ST3GAL4: variants seen among roughly 807,000 people sequenced by gnomAD.
The protein encoded by ST3GAL4 is ST3 beta-galactoside alpha-2,3-sialyltransferase 4.
Under a neutral mutation model 42.6 loss-of-function variants are expected in ST3GAL4, and 24 were observed. That is an observed-to-expected ratio of 0.56 (90% CI 0.41 to 0.79). The LOEUF (loss-of-function observed/expected upper bound fraction) is 0.79. Among genes scored for constraint, ST3GAL4 ranks in the 30% least tolerant of loss-of-function variants. The pLI, the probability that ST3GAL4 is intolerant of heterozygous loss-of-function variation, is 0.00. For synonymous variants in ST3GAL4, 135 were observed against 163.2 expected, an observed-to-expected ratio of 0.83 and a Z score of 1.32; for missense variants, 311 against 430.8, an observed-to-expected ratio of 0.72 and a Z score of 2.46.
chr11:126,358,776 CA>C (rs1382840837), intron 1 of ST3GAL4, among the ~76,000 whole-genome samples: 2 of 152,312 alleles, frequency 1.3e-5, no homozygotes, highest in African/African-American at 4.8e-5. Flanking sequence ...GCCACAACCC[CA>C]TCTCTGTTCC....
chr11:126,358,092 G>C (rs561938281), intron 1 of ST3GAL4, among the ~76,000 whole-genome samples: 41 of 152,374 alleles, frequency 2.7e-4, no homozygotes, highest in African/African-American at 7.2e-4. Flanking sequence ...GCCTAGCCCA[G>C]CTCCTGGCCC....
chr11:126,374,843 C>T (rs1482010110), intron 1 of ST3GAL4, among the ~76,000 whole-genome samples: 1 of 151,854 alleles, frequency 6.6e-6, no homozygotes, highest in African/African-American at 2.4e-5. Flanking sequence ...CGGGTGGATT[C>T]TAACCCTGTG....
rs927988529 is a variant in ST3GAL4 at position 126,379,092 on chromosome 11, C to T, written c.-61+23250C>T. Among the ~76,000 whole-genome samples, 3 of 152,222 alleles carry T rather than the reference C, an allele frequency of 2.0e-5. No homozygotes were observed. The highest frequency in any genetic ancestry group is 6.5e-5 in the Admixed American group (1 of 15,288). On this transcript the variant is annotated intron_variant, in intron 1 of 10. Coordinates refer to ENST00000444328, the MANE Select transcript of ST3GAL4 (RefSeq NM_001254757.2). This position sits in a 1 kb window ranked among gnomAD's most constrained non-coding sequence, Gnocchi z 4.2. ...TTGATCATAAATATCAGCCAACTGC[C>T]AAGGGAAGGATACCAACCCTTTTCA...
At chr11:126,374,726 A>G (rs139352666) in intron 1 of ST3GAL4, among the ~76,000 whole-genome samples, 53 of 151,994 alleles carry the variant, frequency 3.5e-4, no homozygotes, top group African/African-American at 7.9e-4. Flanking sequence ...CTCTCCCCGT[A>G]AGTGAGAAGA....
rs372591176 is a variant in ST3GAL4 at position 126,407,555 on chromosome 11, C to T, written c.281-19C>T. 6.1e-5 allele frequency: 98 copies of T among 1,613,970 alleles called. No homozygotes were observed. Among genetic ancestry groups the T allele is most frequent in the Admixed American group, 1.2e-4 (7 of 60,000 alleles). ...ATGCTATCTGTCACATCAGTCCCTC[C>T]GCCTGGTACTTTTTGTAGAGGATCT... is the stretch of plus-strand genomic sequence containing the variant. On this transcript the variant is annotated intron_variant, in intron 5 of 10. Transcript: ENST00000444328.
rs533885549 is a variant in ST3GAL4 at position 126,363,765 on chromosome 11, A to C, written c.-61+7923A>C. ...TCTCTTGAGCTCTTTCTCCCAGGGG[A>C]AGCTGCTCGAATGAGGGGAGTTGGC... On this transcript the variant is annotated intron_variant, in intron 1 of 10. Transcript: ENST00000444328. The surrounding 1 kb of genome is among the most constrained non-coding windows in gnomAD (Gnocchi z 4.6). 6.6e-6 allele frequency among the ~76,000 whole-genome samples: 1 copy of C among 152,236 alleles called. No individual in the cohort carries two copies. The highest frequency in any genetic ancestry group is 1.9e-4 in the East Asian group (1 of 5,162).
intron 1 of ST3GAL4, among the ~76,000 whole-genome samples, chr11:126,360,093 G>A (rs78482797): frequency 6.6e-6 from 1 of 152,218 alleles, no homozygotes; most frequent in South Asian, 2.1e-4. Context: ...TTCCAACATG[G>A]TGAGCTGTTT....
At chr11:126,368,021 G>T (rs1393999092) in intron 1 of ST3GAL4, among the ~76,000 whole-genome samples, 2 of 151,750 alleles carry the variant, frequency 1.3e-5, no homozygotes, top group South Asian at 4.2e-4. Context: ...AATGGCGCGC[G>T]CCTGTGATCC....
At chr11:126,389,243 C>G (rs1953376023) in intron 1 of ST3GAL4, among the ~76,000 whole-genome samples, 1 of 152,122 alleles carries the variant, frequency 6.6e-6, no homozygotes, top group African/African-American at 2.4e-5. Context: ...ATGAAAATAT[C>G]TCATCTATAT....
chr11:126,399,301 C>CTTTTTTTTTTTTTTTTTT (rs58479155), intron 1 of ST3GAL4, among the ~76,000 whole-genome samples: 1 of 87,736 alleles, frequency 1.1e-5, no homozygotes, highest in African/African-American at 4.5e-5. Flanking sequence ...TTCTTTCCTT[C>CTTTTTTTTTTTTTTTTTT]TTTTTTTTTT....
intron 1 of ST3GAL4, among the ~76,000 whole-genome samples, chr11:126,403,972 G>A (rs1018719861): frequency 3.9e-5 from 6 of 152,138 alleles, no homozygotes; most frequent in Non-Finnish European, 5.9e-5. Flanking sequence ...ATCACCCAGC[G>A]GGCTTCAGCG....
intron 6 of ST3GAL4, 59 bp downstream of exon 6, chr11:126,407,693 G>A (rs1162619354): frequency 1.3e-5 from 19 of 1,495,672 alleles, no homozygotes; most frequent in Admixed American, 3.7e-5. Flanking sequence ...CCCCCTGCCC[G>A]CTCCCCCCAC....
At chr11:126,364,333 A>G (rs1439460931) in intron 1 of ST3GAL4, among the ~76,000 whole-genome samples, 3 of 148,918 alleles carry the variant, frequency 2.0e-5, no homozygotes, top group Admixed American at 2.0e-4. Context: ...AGGAGAGGGC[A>G]GGAGACGAGG....
intron 1 of ST3GAL4, among the ~76,000 whole-genome samples, chr11:126,389,690 T>TCC (rs1037904071): frequency 7.2e-5 from 11 of 152,142 alleles, no homozygotes; most frequent in African/African-American, 2.4e-4. Flanking sequence ...TTAGTTAGCC[T>TCC]CCTGAGGAAC....
intron 1 of ST3GAL4, among the ~76,000 whole-genome samples, chr11:126,394,996 C>T (rs1446171684): frequency 2.0e-5 from 3 of 152,130 alleles, no homozygotes; most frequent in Admixed American, 2.0e-4. Flanking sequence ...TGGTCAGTTA[C>T]TCACTGTGCT....
Position 126,391,317 on chromosome 11 carries a change from T to C in ST3GAL4, c.-60-14779T>C, listed in dbSNP as rs1174873419. 6.6e-6 allele frequency among the ~76,000 whole-genome samples: 1 copy of C among 152,154 alleles called. No homozygotes were observed. The highest frequency in any genetic ancestry group is 6.5e-5 in the Admixed American group (1 of 15,274). ...GCTGATATATTCAAGTATTTGTTGATTGCATGCATTATGCCTGACTTGCTC... is the reference window on the plus strand; with the variant it reads ...GCTGATATATTCAAGTATTTGTTGACTGCATGCATTATGCCTGACTTGCTC... On this transcript the variant is annotated intron_variant, in intron 1 of 10. Transcript: ENST00000444328. The surrounding 1 kb of genome is among the most constrained non-coding windows in gnomAD (Gnocchi z 5.5).
rs1457081174 is a variant in ST3GAL4 at position 126,391,780 on chromosome 11, G to A, written c.-60-14316G>A. Among the ~76,000 whole-genome samples the A allele has an allele frequency of 6.6e-6, 1 of 152,156 alleles. No individual in the cohort carries two copies. Among genetic ancestry groups the A allele is most frequent in the African/African-American group, 2.4e-5 (1 of 41,440 alleles). On this transcript the variant is annotated intron_variant, in intron 1 of 10. Transcript: ENST00000444328. The surrounding 1 kb of genome is among the most constrained non-coding windows in gnomAD (Gnocchi z 5.5). Reference sequence around the variant, plus strand: ...GTTGGGCTGGGCCAGCGCTTGAATTGAGAGGGGCTGCCATGTGTCTGGGGA... The same window carrying A: ...GTTGGGCTGGGCCAGCGCTTGAATTAAGAGGGGCTGCCATGTGTCTGGGGA...
At chr11:126,382,812 C>G (rs932293363) in intron 1 of ST3GAL4, among the ~76,000 whole-genome samples, 1 of 152,190 alleles carries the variant, frequency 6.6e-6, no homozygotes, top group South Asian at 2.1e-4. Context: ...CCTTGACAGG[C>G]GGGAATCTGT....
rs1439703235 is a variant in ST3GAL4, at chr11:126,407,269, C to G, written c.200C>G (p.Pro67Arg). ...CTGTGCAGCTACTCCCGGGATCAGC[C>G]CATCTTCCTGCGGCTTGAGGATTAT... ...KLFGNYSRDQ[P>R]IFLRLEDYFW... is the part of the protein sequence containing the mutation. The change falls in exon 5 of 11, where the codon CCC (proline) becomes CGC (arginine). Residue 67 changes from proline (P) to arginine (R), a missense_variant. Coordinates refer to ENST00000444328, the MANE Select transcript of ST3GAL4 (RefSeq NM_001254757.2). 1.2e-6 allele frequency: 2 copies of G among 1,614,216 alleles called. No homozygotes were observed. The highest frequency in any genetic ancestry group is 1.7e-6 in the Non-Finnish European group (2 of 1,180,024).
Sources: gnomAD v4.1 joint callset for allele counts (sites outside exome capture counted in the v4.1 genomes callset) on GRCh38, gnomAD v4.1.1 for gene constraint, Gnocchi (gnomAD v3.1) non-coding constraint, MANE v1.5 for transcripts, NCBI Gene and HGNC (gene_info 2026-07-23, HGNC 2026-07-21) for gene names.